GRIP1: variants seen among roughly 807,000 people sequenced by gnomAD.
GRIP1 encodes glutamate receptor-interacting protein 1.
A neutral mutation model predicts 129.9 loss-of-function variants in GRIP1; 45 were observed. The observed-to-expected ratio is 0.35, with a 90% CI of 0.27 to 0.44. GRIP1 has a LOEUF of 0.44. Among genes scored for constraint, GRIP1 ranks in the 20% least tolerant of loss-of-function variants. GRIP1 has a pLI of 1.00. For synonymous variants in GRIP1, 530 were observed against 520.8 expected (o/e 1.02, Z -0.24); for missense variants, 1,196 against 1,396.8 (o/e 0.86, Z 2.29).
chr12:66,400,905 A>G (rs1303561086), intron 16 of GRIP1, among the ~76,000 whole-genome samples: 1 of 149,548 alleles, frequency 6.7e-6, no homozygotes, highest in African/African-American at 2.5e-5. Context: ...TTTACTTTGG[A>G]CTCAGAAACC....
chr12:67,048,151 A>G lies in GRIP1; in HGVS notation c.58+20899T>C, dbSNP rs573738301. Among the ~76,000 whole-genome samples, 345 of 142,558 alleles carry G rather than the reference A, an allele frequency of 2.4e-3. 2 individuals carry two copies. Among genetic ancestry groups the G allele is most frequent in the African/African-American group, 7.8e-3 (301 of 38,396 alleles). 93.5% of individuals were successfully genotyped at this position (142,558 alleles called of 152,430 possible). A position where few individuals can be genotyped will look rare whatever the true frequency, so the allele number is the denominator to read the frequency against. Reference sequence around the variant, plus strand: ...GAGCTTCCTCTAGTCTTATTTTGGGAAAAAAAAAAAAAGGTATTCCTGTTA... The same window carrying G: ...GAGCTTCCTCTAGTCTTATTTTGGGGAAAAAAAAAAAAGGTATTCCTGTTA... On this transcript the variant is annotated intron_variant, in intron 1 of 1. Coordinates refer to the GRIP1 transcript ENST00000643019.
intron 1 of GRIP1, among the ~76,000 whole-genome samples, chr12:67,016,069 T>C (rs2042781310): frequency 6.6e-6 from 1 of 152,232 alleles, no homozygotes; most frequent in Non-Finnish European, 1.5e-5. Context: ...CCTAAAGTCC[T>C]TCATGTCATT....
intron 7 of GRIP1, among the ~76,000 whole-genome samples, chr12:66,472,772 T>C (rs1281839218): frequency 6.6e-6 from 1 of 152,142 alleles, no homozygotes; most frequent in African/African-American, 2.4e-5. Context: ...GACTGTGCTG[T>C]GAGGAATGGT....
rs571000021 is a variant in GRIP1 at position 67,052,676 on chromosome 12, C to T, written c.58+16374G>A. On this transcript the variant is annotated intron_variant, in intron 1 of 1. Transcript: ENST00000643019. ...TCAGGATGCTGAGGCAGGAGAATGG[C>T]GTAAACCCGTGAGGCAGAGCTTGCA... is the stretch of plus-strand genomic sequence containing the variant. Among the ~76,000 whole-genome samples, 213 of 149,824 alleles carry T rather than the reference C, an allele frequency of 1.4e-3. 1 individual carries two copies. The South Asian group carries it at 0.019, about 13-fold the overall frequency.
chr12:66,374,595 G>T lies in GRIP1; in HGVS notation c.2778+2422C>A, dbSNP rs577574319. Among the ~76,000 whole-genome samples, 8 of 152,234 alleles carry T rather than the reference G, an allele frequency of 5.3e-5. No homozygotes were observed. The South Asian group carries it at 6.2e-4, about 12-fold the overall frequency. On this transcript the variant is annotated intron_variant, in intron 22 of 24. Transcript: ENST00000359742. The stretch of plus-strand genomic sequence containing the variant: ...CCTACTTAGACTAGTTGTTTGCTTT[G>T]TTAACATCCATTTTTTAATATTCAT...
At chr12:66,723,304 CTTTTTTTTTTTTTTT>C (rs57938064) in intron 1 of GRIP1, among the ~76,000 whole-genome samples, 4 of 58,406 alleles carry the variant, frequency 6.8e-5, no homozygotes, top group Admixed American at 4.8e-4. Flanking sequence ...TTCTTTCTTT[CTTTTTTTTTTTTTTT>C]TTTTTTTTTT....
upstream of GRIP1, among the ~76,000 whole-genome samples, chr12:66,806,156 T>C (rs930115622): frequency 1.3e-5 from 2 of 152,062 alleles, no homozygotes; most frequent in Admixed American, 1.3e-4. Flanking sequence ...ACAGCTCTAA[T>C]AATGAGGTGA....
chr12:66,444,803 T>G (rs569911582), intron 12 of GRIP1, 74 bp from the exon 13 acceptor site: 3 of 1,489,854 alleles, frequency 2.0e-6, no homozygotes, highest in African/African-American at 1.4e-5. Context: ...AAATCTACCT[T>G]GCTTGATCCT....
chr12:66,360,063 G>T (rs1452735294), intron 23 of GRIP1, among the ~76,000 whole-genome samples: 1 of 152,144 alleles, frequency 6.6e-6, no homozygotes, highest in African/African-American at 2.4e-5. Flanking sequence ...CAAGAATGAG[G>T]ATACTGAACC....
chr12:66,354,475 C>T (rs965807951), intron 23 of GRIP1, among the ~76,000 whole-genome samples: 5 of 152,218 alleles, frequency 3.3e-5, no homozygotes, highest in African/African-American at 1.2e-4. Flanking sequence ...TAGCAGTCCC[C>T]AAGCTCTCAC....
At chr12:66,902,204 C>G (rs1382889977) in intron 1 of GRIP1, among the ~76,000 whole-genome samples, 1 of 152,148 alleles carries the variant, frequency 6.6e-6, no homozygotes, top group Admixed American at 6.5e-5. Context: ...GAATCTCTCC[C>G]TCTCTCCCAC....
intron 1 of GRIP1, among the ~76,000 whole-genome samples, chr12:66,603,851 G>C (rs1450098123): frequency 1.3e-5 from 2 of 152,134 alleles, no homozygotes; most frequent in Non-Finnish European, 1.5e-5. Context: ...GGAGTAACTA[G>C]ATCTATCTAA....
upstream of GRIP1, among the ~76,000 whole-genome samples, chr12:66,804,547 G>C (rs1250355901): frequency 6.6e-6 from 1 of 152,122 alleles, no homozygotes; most frequent in Non-Finnish European, 1.5e-5. Context: ...AAGTTCAAGA[G>C]ATTCAGCTGA....
intron 2 of GRIP1, among the ~76,000 whole-genome samples, chr12:66,566,321 T>C (rs931646094): frequency 6.6e-6 from 1 of 152,226 alleles, no homozygotes; most frequent in Non-Finnish European, 1.5e-5. Context: ...TGAGAGTTTT[T>C]AGCATGAAGG....
intron 5 of GRIP1, among the ~76,000 whole-genome samples, chr12:66,525,184 GT>G (rs1286070374): frequency 1.3e-5 from 2 of 152,168 alleles, no homozygotes; most frequent in Non-Finnish European, 2.9e-5. Context: ...AATTTATGAG[GT>G]TTGCATTATC....
intron 7 of GRIP1, among the ~76,000 whole-genome samples, chr12:66,470,518 C>T (rs1370548508): frequency 2.0e-5 from 3 of 152,086 alleles, no homozygotes; most frequent in Non-Finnish European, 2.9e-5. Flanking sequence ...CTATGTCAAC[C>T]TACCCATTAT....
chr12:66,751,526 C>T (rs2037126330), intron 1 of GRIP1, among the ~76,000 whole-genome samples: 1 of 152,108 alleles, frequency 6.6e-6, no homozygotes, highest in South Asian at 2.1e-4. Flanking sequence ...TGACTGAATG[C>T]TTAGTTTATT....
At chr12:66,885,158 C>A (rs2040544153) in intron 1 of GRIP1, among the ~76,000 whole-genome samples, 1 of 152,176 alleles carries the variant, frequency 6.6e-6, no homozygotes, top group African/African-American at 2.4e-5. Context: ...AGAGACTCAG[C>A]ACCCATAAGC....
At chr12:66,800,805 C>T (rs2038835794) in intron 1 of GRIP1, among the ~76,000 whole-genome samples, 1 of 151,688 alleles carries the variant, frequency 6.6e-6, no homozygotes, top group African/African-American at 2.4e-5. Context: ...GGAAAAATAC[C>T]AAATGAATCA....
Sources: allele counts gnomAD v4.1 joint callset (sites outside exome capture counted in the v4.1 genomes callset), GRCh38; gene constraint gnomAD v4.1.1; transcripts MANE v1.5; gene names NCBI Gene and HGNC (gene_info 2026-07-23, HGNC 2026-07-21).